SLC8A1: variants seen among roughly 807,000 people sequenced by gnomAD.
The protein encoded by SLC8A1 is sodium/calcium exchanger 1.
Under a neutral mutation model 68.3 loss-of-function variants are expected in SLC8A1, and 18 were observed. The observed-to-expected ratio is 0.26, with a 90% CI of 0.18 to 0.39. SLC8A1 has a LOEUF of 0.39. Among genes scored for constraint, SLC8A1 ranks in the 10% least tolerant of loss-of-function variants. The pLI, the probability that SLC8A1 is intolerant of heterozygous loss-of-function variation, is 1.00. For synonymous variants in SLC8A1, 475 were observed against 415.5 expected, an observed-to-expected ratio of 1.14 and a Z score of -1.74; for missense variants, 985 against 1,156.7, an observed-to-expected ratio of 0.85 and a Z score of 2.15.
chr2:40,398,542 C>G (rs1335054477), intron 2 of SLC8A1, among the ~76,000 whole-genome samples: 2 of 151,956 alleles, frequency 1.3e-5, no homozygotes, highest in Non-Finnish European at 2.9e-5. Flanking sequence ...TTAAGGTGAC[C>G]CACTAACACA....
intron 1 of SLC8A1, among the ~76,000 whole-genome samples, chr2:40,509,020 G>C (rs183066721): frequency 5.9e-5 from 9 of 152,230 alleles, no homozygotes; most frequent in African/African-American, 1.9e-4. Context: ...AATGGGATAA[G>C]GGAGGCCATT....
intron 1 of SLC8A1, among the ~76,000 whole-genome samples, chr2:40,458,529 C>G (rs1198198954): frequency 6.6e-6 from 1 of 152,120 alleles, no homozygotes; most frequent in African/African-American, 2.4e-5. Context: ...CAAATTGCAA[C>G]TTAATAGCAA....
chr2:40,319,113 T>A (rs7556809), intron 2 of SLC8A1, among the ~76,000 whole-genome samples: 15,573 of 152,044 alleles, frequency 0.1, 1,047 homozygotes, highest in East Asian at 0.23. Flanking sequence ...CTGGCATATT[T>A]CTGTTAACAG....
intron 2 of SLC8A1, among the ~76,000 whole-genome samples, chr2:40,300,473 A>G (rs918103474): frequency 6.6e-6 from 1 of 152,164 alleles, no homozygotes; most frequent in Admixed American, 6.5e-5. Flanking sequence ...TACATTTCTT[A>G]TTTGTTTCGT....
chr2:40,163,033 C>A (rs952586576), intron 5 of SLC8A1, among the ~76,000 whole-genome samples: 2 of 152,112 alleles, frequency 1.3e-5, no homozygotes, highest in Admixed American at 1.3e-4. Context: ...ATGCCCCTAA[C>A]GTGCCTTGTA....
chr2:40,496,929 T>TG (rs1705742116), intron 1 of SLC8A1, among the ~76,000 whole-genome samples: 1 of 44,148 alleles, frequency 2.3e-5, no homozygotes, highest in Non-Finnish European at 4.1e-5. Flanking sequence ...TGTGGTGGGG[T>TG]GGGGGGAGGG....
intron 2 of SLC8A1, among the ~76,000 whole-genome samples, chr2:40,335,245 A>G (rs1665584542): frequency 6.6e-6 from 1 of 152,232 alleles, no homozygotes; most frequent in African/African-American, 2.4e-5. Context: ...TAATGTAAAG[A>G]CAAAGCAAAT....
chr2:40,210,858 T>C (rs1234093363), intron 2 of SLC8A1, among the ~76,000 whole-genome samples: 2 of 152,204 alleles, frequency 1.3e-5, no homozygotes, highest in Non-Finnish European at 1.5e-5. Flanking sequence ...CTTTACCTTT[T>C]TGTCATGTAC....
chr2:40,503,522 T>G (rs1706179191), intron 1 of SLC8A1, among the ~76,000 whole-genome samples: 1 of 152,012 alleles, frequency 6.6e-6, no homozygotes, highest in Non-Finnish European at 1.5e-5. Flanking sequence ...CAAACTGTCC[T>G]TGTTTGCCGA....
intron 2 of SLC8A1, among the ~76,000 whole-genome samples, chr2:40,235,672 G>T (rs1373425430): frequency 6.6e-6 from 1 of 151,900 alleles, no homozygotes; most frequent in Non-Finnish European, 1.5e-5. Flanking sequence ...TGCTTTTCTA[G>T]TTCTTTTAAT....
intron 2 of SLC8A1, among the ~76,000 whole-genome samples, chr2:40,398,838 G>C (rs1402223131): frequency 1.3e-5 from 2 of 152,142 alleles, no homozygotes; most frequent in Non-Finnish European, 2.9e-5. Flanking sequence ...TACCCAGTTT[G>C]ATTGATAAAT....
chr2:40,393,528 AGATT>A (rs1685964766), intron 2 of SLC8A1, among the ~76,000 whole-genome samples: 1 of 152,146 alleles, frequency 6.6e-6, no homozygotes, highest in Admixed American at 6.5e-5. Flanking sequence ...TTGCTGTAAA[AGATT>A]ATTACATTCT....
chr2:40,428,935 C>A (rs1400464705), exon 2 of SLC8A1: 23 of 1,613,846 alleles, frequency 1.4e-5, no homozygotes, highest in Non-Finnish European at 1.9e-5. Flanking sequence ...ATTTGCTGTG[C>A]CATCCTCTGT....
chr2:40,170,498 C>T lies in SLC8A1; in HGVS notation c.1930+4327G>A, dbSNP rs191702152. 2.6e-5 allele frequency: 17 copies of T among 655,296 alleles called. No individual in the cohort carries two copies. In the South Asian group the frequency reaches 2.8e-4, roughly 11 times the overall value. 40.6% of individuals were successfully genotyped at this position (655,296 alleles called of 1,614,324 possible). ...GGGATTCAATGATCATAGGTCACCCCTAGGTAGGTCACAGAAGGGAGCTCT... is the reference window on the plus strand; with the variant it reads ...GGGATTCAATGATCATAGGTCACCCTTAGGTAGGTCACAGAAGGGAGCTCT... On this transcript the variant is annotated intron_variant, in intron 4 of 7. Transcript: ENST00000406785.
intron 2 of SLC8A1, among the ~76,000 whole-genome samples, chr2:40,297,629 T>C (rs1281620106): frequency 6.6e-6 from 1 of 152,236 alleles, no homozygotes; most frequent in Admixed American, 6.5e-5. Context: ...ACCTTCTTTA[T>C]ACCAATCATC....
At chr2:40,487,403 T>C (rs1238178652) in intron 1 of SLC8A1, among the ~76,000 whole-genome samples, 6 of 152,172 alleles carry the variant, frequency 3.9e-5, no homozygotes, top group Non-Finnish European at 8.8e-5. Context: ...ATATTTCACA[T>C]CTCTTGTTCT....
chr2:40,286,220 A>G (rs954740383), intron 2 of SLC8A1, among the ~76,000 whole-genome samples: 1 of 152,110 alleles, frequency 6.6e-6, no homozygotes, highest in Non-Finnish European at 1.5e-5. Context: ...TTTTTACTCC[A>G]TTTTATCTTC....
intron 2 of SLC8A1, among the ~76,000 whole-genome samples, chr2:40,364,452 A>AAC (rs1355102723): frequency 6.0e-5 from 9 of 151,084 alleles, no homozygotes; most frequent in Non-Finnish European, 8.9e-5. Flanking sequence ...AAGTAAAACA[A>AAC]AAAAAAAACA....
At chr2:40,150,817 G>A (rs967955847) in intron 6 of SLC8A1, among the ~76,000 whole-genome samples, 2 of 152,014 alleles carry the variant, frequency 1.3e-5, no homozygotes, top group South Asian at 2.1e-4. Flanking sequence ...CCACCCTCTC[G>A]TACTTCCACC....
Sources: gnomAD v4.1 joint callset for allele counts (sites outside exome capture counted in the v4.1 genomes callset) on GRCh38, gnomAD v4.1.1 for gene constraint, MANE v1.5 for transcripts, NCBI Gene and HGNC (gene_info 2026-07-23, HGNC 2026-07-21) for gene names.